The following PCDH15 variants were observed in gnomAD, a reference collection of about 807,000 sequenced individuals.
The protein encoded by PCDH15 is protocadherin related 15.
A neutral mutation model predicts 178.5 loss-of-function variants in PCDH15; 129 were observed. The observed-to-expected ratio is 0.72, with a 90% CI of 0.63 to 0.84. The LOEUF (loss-of-function observed/expected upper bound fraction) is 0.84, where lower values mean the gene tolerates loss of function less well. PCDH15 is among the 40% of genes least tolerant of loss of function. The probability of loss-of-function intolerance (pLI) is 0.00; values close to 1 mark genes in which losing one functional copy is unlikely to be tolerated. For synonymous variants in PCDH15, 800 were observed against 732.0 expected (o/e 1.09, Z -1.50); for missense variants, 2,230 against 2,099.9 (o/e 1.06, Z -1.21).
chr10:53,850,571 T>A (rs781546513), intron 28 of PCDH15, among the ~76,000 whole-genome samples: 2 of 152,154 alleles, frequency 1.3e-5, no homozygotes, highest in Non-Finnish European at 2.9e-5. Flanking sequence ...TAACCTTTTT[T>A]TAAAGAATAG....
At chr10:55,554,007 G>A (rs1049734428) in intron 2 of PCDH15, among the ~76,000 whole-genome samples, 2 of 151,726 alleles carry the variant, frequency 1.3e-5, no homozygotes, top group Non-Finnish European at 2.9e-5. Flanking sequence ...ATTCTTCTGG[G>A]GTTCACAATT....
chr10:55,200,559 A>G (rs770288887), intron 1 of PCDH15, among the ~76,000 whole-genome samples: 4 of 151,866 alleles, frequency 2.6e-5, no homozygotes, highest in Non-Finnish European at 2.9e-5. Flanking sequence ...ACTCTGGGGG[A>G]CTTTTGGGAA....
intron 11 of PCDH15, among the ~76,000 whole-genome samples, chr10:54,194,636 A>G (rs1485040217): frequency 1.4e-5 from 2 of 139,414 alleles, no homozygotes; most frequent in African/African-American, 2.7e-5. Flanking sequence ...GTGTATGTAT[A>G]CCTGTGTATA....
At chr10:54,757,248 C>A (rs1485711174) in intron 1 of PCDH15, among the ~76,000 whole-genome samples, 1 of 150,128 alleles carries the variant, frequency 6.7e-6, no homozygotes, top group South Asian at 2.1e-4. Flanking sequence ...GTCTATATCA[C>A]CTGTTTTTGG....
intron 2 of PCDH15, among the ~76,000 whole-genome samples, chr10:54,616,455 G>C (rs566483894): frequency 4.3e-4 from 65 of 152,186 alleles, no homozygotes; most frequent in Admixed American, 7.2e-4. Flanking sequence ...TGAAGCCATT[G>C]CAAGTGTGTC....
At chr10:55,227,927 GC>G (rs925274173) in intron 1 of PCDH15, among the ~76,000 whole-genome samples, 46 of 152,004 alleles carry the variant, frequency 3.0e-4, no homozygotes, top group Middle Eastern at 3.4e-3. Context: ...AGATTTGACA[GC>G]CCCCCCATCC....
chr10:54,781,829 A>G (rs1950390740), intron 1 of PCDH15, among the ~76,000 whole-genome samples: 2 of 152,268 alleles, frequency 1.3e-5, no homozygotes, highest in Middle Eastern at 6.8e-3. Flanking sequence ...AATATTACCA[A>G]TAGGAAGACA....
At chr10:54,900,381 G>A (rs1011032044) in intron 2 of PCDH15, among the ~76,000 whole-genome samples, 21 of 152,248 alleles carry the variant, frequency 1.4e-4, no homozygotes, top group African/African-American at 4.8e-4. Flanking sequence ...AATAAACAGG[G>A]CAGATTGAAG....
chr10:55,399,188 C>G (rs1445903084), intron 2 of PCDH15, among the ~76,000 whole-genome samples: 1 of 152,006 alleles, frequency 6.6e-6, no homozygotes, highest in Non-Finnish European at 1.5e-5. Flanking sequence ...GTTAAATATG[C>G]TTTATTAACA....
At chr10:54,158,446 C>T (rs939279173) in intron 13 of PCDH15, among the ~76,000 whole-genome samples, 1 of 152,154 alleles carries the variant, frequency 6.6e-6, no homozygotes, top group Non-Finnish European at 1.5e-5. Context: ...CACCAGATCC[C>T]TCCCACAATA....
intron 26 of PCDH15, among the ~76,000 whole-genome samples, chr10:53,881,384 G>T (rs2080706451): frequency 6.6e-6 from 1 of 152,020 alleles, no homozygotes; most frequent in Non-Finnish European, 1.5e-5. Flanking sequence ...CAGTAAAATT[G>T]GGAATTTACC....
chr10:54,966,267 C>T (rs1158496782), intron 2 of PCDH15, among the ~76,000 whole-genome samples: 1 of 151,922 alleles, frequency 6.6e-6, no homozygotes, highest in Non-Finnish European at 1.5e-5. Context: ...GAAAGAATAG[C>T]TAGTTTCTGT....
chr10:53,825,226 A>C, intron 32 of PCDH15: 1 of 1,430,300 alleles, frequency 7.0e-7, no homozygotes, highest in South Asian at 1.5e-5. Flanking sequence ...AATTCTGAAA[A>C]TATGAGCAGG....
chr10:54,970,788 C>A (rs1838912045), intron 2 of PCDH15, among the ~76,000 whole-genome samples: 2 of 152,110 alleles, frequency 1.3e-5, no homozygotes, highest in Admixed American at 1.3e-4. Flanking sequence ...TGATTTGTCT[C>A]AAAAATTATT....
At chr10:54,705,928 C>T (rs2095360938) in intron 1 of PCDH15, among the ~76,000 whole-genome samples, 2 of 152,140 alleles carry the variant, frequency 1.3e-5, no homozygotes, top group South Asian at 2.1e-4. Flanking sequence ...ATCAACGGTA[C>T]AGTGAAACTT....
intron 8 of PCDH15, among the ~76,000 whole-genome samples, chr10:54,278,726 G>C (rs1469995325): frequency 6.6e-6 from 1 of 151,560 alleles, no homozygotes; most frequent in Non-Finnish European, 1.5e-5. Context: ...ATATCAAAGT[G>C]ATTCCATCTT....
At chr10:53,980,047 C>T (rs955945420) in intron 21 of PCDH15, among the ~76,000 whole-genome samples, 1 of 151,936 alleles carries the variant, frequency 6.6e-6, no homozygotes, top group South Asian at 2.1e-4. Flanking sequence ...GGTGAAACTC[C>T]GTCTCTACTA....
intron 1 of PCDH15, among the ~76,000 whole-genome samples, chr10:54,755,601 T>G (rs1946962966): frequency 6.6e-6 from 1 of 152,122 alleles, no homozygotes; most frequent in South Asian, 2.1e-4. Context: ...ATACATCTTC[T>G]TATGATAAAA....
intron 8 of PCDH15, among the ~76,000 whole-genome samples, chr10:54,301,597 C>T (rs1034703020): frequency 1.3e-5 from 2 of 152,160 alleles, no homozygotes; most frequent in African/African-American, 4.8e-5. Context: ...CCTGAGTTCT[C>T]ATGCACTGAG....
Sources: gnomAD v4.1 joint callset for allele counts (sites outside exome capture counted in the v4.1 genomes callset) on GRCh38, gnomAD v4.1.1 for gene constraint, MANE v1.5 for transcripts, NCBI Gene and HGNC (gene_info 2026-07-23, HGNC 2026-07-21) for gene names.